KLHL15: variants seen among roughly 807,000 people sequenced by gnomAD.
KLHL15 encodes kelch-like protein 15.
A neutral mutation model predicts 29.3 loss-of-function variants in KLHL15; 1 was observed. That is an observed-to-expected ratio of 0.03 (90% CI 0.01 to 0.16). KLHL15 has a LOEUF of 0.16. Among genes scored for constraint, KLHL15 ranks in the 10% least tolerant of loss-of-function variants. KLHL15 has a pLI of 1.00. For synonymous variants in KLHL15, 212 were observed against 184.5 expected (o/e 1.15, Z -1.21); for missense variants, 215 against 478.5 (o/e 0.45, Z 5.14).
intron 2 of KLHL15, among the ~76,000 whole-genome samples, chrX:24,023,086 TAAA>T (rs1164390818): frequency 1.8e-5 from 2 of 111,584 alleles, no homozygotes; most frequent in Non-Finnish European, 3.8e-5. Context: ...AAAGGAAAAT[TAAA>T]AATTTAAATT....
intron 3 of KLHL15, among the ~76,000 whole-genome samples, chrX:23,995,320 T>C (rs1245703889): frequency 4.7e-5 from 5 of 106,679 alleles, no homozygotes; most frequent in Non-Finnish European, 9.6e-5. Context: ...GGCAGGAGAA[T>C]TGCTTGAACC....
chrX:24,021,390 T>C (rs1693849576), intron 2 of KLHL15, among the ~76,000 whole-genome samples: 1 of 111,045 alleles, frequency 9.0e-6, no homozygotes, highest in Admixed American at 9.7e-5. Flanking sequence ...AAACACCCTC[T>C]TTTAAAGTTG....
chrX:24,024,217 A>G (rs1253342256), intron 2 of KLHL15, among the ~76,000 whole-genome samples: 2 of 111,944 alleles, frequency 1.8e-5, no homozygotes, highest in Non-Finnish European at 3.8e-5. Context: ...TTACAGATCT[A>G]TGGATTCACA....
At chrX:24,001,798 G>C (rs1179764916) in intron 3 of KLHL15, among the ~76,000 whole-genome samples, 1 of 36,559 alleles carries the variant, frequency 2.7e-5, no homozygotes, top group African/African-American at 1.2e-4. Context: ...AGCGAGACTT[G>C]ACTCAAAAAA....
At chrX:23,991,999 G>C (rs1479676610) in intron 3 of KLHL15, among the ~76,000 whole-genome samples, 1 of 112,113 alleles carries the variant, frequency 8.9e-6, no homozygotes, top group Non-Finnish European at 1.9e-5. Flanking sequence ...CTGAAAATCA[G>C]CAAGAATCAT....
intron 2 of KLHL15, among the ~76,000 whole-genome samples, chrX:24,011,006 C>A (rs1929561513): frequency 9.1e-6 from 1 of 109,954 alleles, no homozygotes. Flanking sequence ...AAGGTGGCAT[C>A]TATGTACACA....
intron 3 of KLHL15, among the ~76,000 whole-genome samples, chrX:23,990,147 A>C (rs1381695837): frequency 9.0e-6 from 1 of 111,324 alleles, no homozygotes; most frequent in Non-Finnish European, 1.9e-5. Context: ...AAATTAATAA[A>C]ATAAAATAAA....
intron 3 of KLHL15, among the ~76,000 whole-genome samples, chrX:23,999,454 G>C (rs373365196): frequency 0.01 from 1,113 of 109,190 alleles, 3 homozygotes; most frequent in Middle Eastern, 0.047. Context: ...AATTAGCCGG[G>C]CGCGGTGGCG....
At chrX:24,018,915 AT>A (rs1929747279) in intron 2 of KLHL15, among the ~76,000 whole-genome samples, 2 of 111,383 alleles carry the variant, frequency 1.8e-5, no homozygotes, top group Admixed American at 9.6e-5. Context: ...AGGCACGAGA[AT>A]TGCTTGAACC....
chrX:24,025,157 G>A (rs1209490442), intron 1 of KLHL15, 99 bp from the exon 2 acceptor site: 7 of 290,862 alleles, frequency 2.4e-5, no homozygotes, highest in Non-Finnish European at 4.2e-5. Flanking sequence ...CAACGCCGGG[G>A]GCCTCGCAGC....
chrX:24,020,308 C>T (rs1167068889), intron 2 of KLHL15, among the ~76,000 whole-genome samples: 1 of 112,412 alleles, frequency 8.9e-6, no homozygotes, highest in Non-Finnish European at 1.9e-5. Context: ...TAAAGACAGA[C>T]TTTTAAGCTC....
At chrX:24,017,211 C>CA (rs781366129) in intron 2 of KLHL15, among the ~76,000 whole-genome samples, 3,329 of 42,964 alleles carry the variant, frequency 0.077, 188 homozygotes, top group African/African-American at 0.18. Context: ...GAGCCTGTCT[C>CA]AAAAAAAAAA....
chrX:24,014,876 T>C (rs1344414449), intron 2 of KLHL15, among the ~76,000 whole-genome samples: 2 of 112,052 alleles, frequency 1.8e-5, no homozygotes, highest in Non-Finnish European at 3.8e-5. Flanking sequence ...GAGACGTGTA[T>C]TGACTGTGTA....
intron 2 of KLHL15, among the ~76,000 whole-genome samples, chrX:24,007,204 A>G (rs945835532): frequency 3.7e-5 from 4 of 108,430 alleles, no homozygotes; most frequent in African/African-American, 1.0e-4. Context: ...TTAAAAATAT[A>G]TATGTCGGCT....
At chrX:23,989,062 G>A in intron 3 of KLHL15, 32 bp from the exon 4 acceptor site, 1 of 1,123,205 alleles carries the variant, frequency 8.9e-7, no homozygotes, top group African/African-American at 1.8e-5. Flanking sequence ...TTTAACCAAA[G>A]GAAAAAGCAT....
intron 3 of KLHL15, among the ~76,000 whole-genome samples, chrX:23,996,124 T>C (rs1056127597): frequency 8.9e-6 from 1 of 112,238 alleles, no homozygotes; most frequent in African/African-American, 3.2e-5. Context: ...AGTTTATCTA[T>C]CAGAAGGGGT....
intron 3 of KLHL15, among the ~76,000 whole-genome samples, chrX:24,000,463 A>AAAATAAAT (rs1555975974): frequency 1.7e-3 from 177 of 105,571 alleles, no homozygotes; most frequent in African/African-American, 6.3e-3. Context: ...ACTCCATCTC[A>AAAATAAAT]AAATAAATAA....
Position 23,987,831 on chromosome X carries a change from A to G in KLHL15, c.*90T>C. 2 of 874,639 alleles carry G rather than the reference A, an allele frequency of 2.3e-6. No individual in the cohort carries two copies. The highest frequency in any genetic ancestry group is 3.2e-6 in the Non-Finnish European group (2 of 625,664). 72.1% of individuals were successfully genotyped at this position (874,639 alleles called of 1,213,427 possible). A position where few individuals can be genotyped will look rare whatever the true frequency, so the allele number is the denominator to read the frequency against. ...TTAGACCAATGGCTTTGATAGTAAA[A>G]CTGGTGAGGTTTTTCTTTATATGTT... On this transcript the variant is annotated 3_prime_UTR_variant, in exon 4 of 4. Coordinates refer to ENST00000328046, the MANE Select transcript of KLHL15 (RefSeq NM_030624.3).
chrX:23,993,253 TG>T (rs201218157), intron 3 of KLHL15, among the ~76,000 whole-genome samples: 2 of 96,784 alleles, frequency 2.1e-5, no homozygotes, highest in Non-Finnish European at 3.9e-5. Context: ...GCAATCTGTG[TG>T]GAATTGCGAT....
Sources: gnomAD v4.1 joint callset for allele counts (sites outside exome capture counted in the v4.1 genomes callset) on GRCh38, gnomAD v4.1.1 for gene constraint, MANE v1.5 for transcripts, NCBI Gene and HGNC (gene_info 2026-07-23, HGNC 2026-07-21) for gene names.